NOL4: variants seen among roughly 807,000 people sequenced by gnomAD.
NOL4 encodes the protein nucleolar protein 4.
A neutral mutation model predicts 75.9 loss-of-function variants in NOL4; 17 were observed. That is an observed-to-expected ratio of 0.22 (90% CI 0.15 to 0.34). The LOEUF is 0.34. Among genes scored for constraint, NOL4 ranks in the 10% least tolerant of loss-of-function variants. The pLI is 1.00. For synonymous variants in NOL4, 292 were observed against 289.9 expected (o/e 1.01, Z -0.07); for missense variants, 614 against 793.5 (o/e 0.77, Z 2.72).
intron 8 of NOL4, among the ~76,000 whole-genome samples, chr18:33,954,199 T>C (rs2069469674): frequency 6.6e-6 from 1 of 152,156 alleles, no homozygotes; most frequent in South Asian, 2.1e-4. Flanking sequence ...GTAAATGACA[T>C]GTAAATAGCT....
chr18:33,930,642 T>C (rs2145406410), intron 9 of NOL4, among the ~76,000 whole-genome samples: 1 of 152,212 alleles, frequency 6.6e-6, no homozygotes, highest in South Asian at 2.1e-4. Context: ...AAACAAAAAG[T>C]ATATTTATAG....
chr18:34,077,476 T>A (rs938539991), intron 5 of NOL4, among the ~76,000 whole-genome samples: 42 of 152,042 alleles, frequency 2.8e-4, no homozygotes, highest in African/African-American at 8.9e-4. Context: ...TAAAAATGTG[T>A]ATATATCCAC....
rs2062659740 is a variant in NOL4 at position 33,852,335 on chromosome 18, C to T, written c.*507G>A. The stretch of plus-strand genomic sequence containing the variant: ...AAAAATGACAAGTTTGAATGAAAAA[C>T]AAGTTTTCTTTTTATAAAAATTACA... On this transcript the variant is annotated 3_prime_UTR_variant, in exon 11 of 11. Transcript: ENST00000261592. The T allele has an allele frequency of 6.6e-6, 1 of 151,600 alleles. No homozygotes were observed. The highest frequency in any genetic ancestry group is 2.4e-5 in the African/African-American group (1 of 41,182). The allele number at this position is 151,600 out of a possible 1,614,324, so 9.4% of individuals were successfully genotyped here. A position where few individuals can be genotyped will look rare whatever the true frequency, so the allele number is the denominator to read the frequency against.
At chr18:33,929,852 C>T (rs1325868100) in intron 9 of NOL4, among the ~76,000 whole-genome samples, 2 of 152,012 alleles carry the variant, frequency 1.3e-5, no homozygotes, top group Non-Finnish European at 2.9e-5. Context: ...ATAACTAGAA[C>T]AGTTCAAAAA....
At chr18:33,884,934 T>G (rs1456851905) in intron 9 of NOL4, among the ~76,000 whole-genome samples, 1 of 152,080 alleles carries the variant, frequency 6.6e-6, no homozygotes, top group African/African-American at 2.4e-5. Context: ...CTGAATCAAA[T>G]CTAACTGACC....
At chr18:34,106,255 G>C (rs1032576155) in intron 2 of NOL4, among the ~76,000 whole-genome samples, 2 of 152,014 alleles carry the variant, frequency 1.3e-5, no homozygotes, top group Non-Finnish European at 2.9e-5. Flanking sequence ...AGTGGTGATG[G>C]AGTCAACTTT....
In NOL4 at chr18:34,166,754, A is replaced by AATATAT. The variant is rs2032391374; in HGVS notation, c.265-36735_265-36734insATATAT. On this transcript the variant is annotated intron_variant, in intron 1 of 10. Coordinates refer to ENST00000261592, the MANE Select transcript of NOL4 (RefSeq NM_003787.5). ...AAAATAAAAATATAATAGTAAAAAAAAGGCCGGGCGCGGTGGCTCACGCCT... is the reference window on the plus strand; with the variant it reads ...AAAATAAAAATATAATAGTAAAAAAAATATATAGGCCGGGCGCGGTGGCTCACGCCT... 2.0e-4 allele frequency among the ~76,000 whole-genome samples: 23 copies of AATATAT among 115,680 alleles called. 2 individuals are homozygous for AATATAT. The highest frequency in any genetic ancestry group is 6.5e-4 in the African/African-American group (21 of 32,264). 75.9% of individuals were successfully genotyped at this position (115,680 alleles called of 152,430 possible).
At chr18:34,058,512 G>T (rs1308976352) in intron 5 of NOL4, among the ~76,000 whole-genome samples, 1 of 152,050 alleles carries the variant, frequency 6.6e-6, no homozygotes, top group Admixed American at 6.6e-5. Flanking sequence ...ATTTTCTCCT[G>T]CTGGCTTTCA....
At chr18:34,114,584 C>T (rs2079760146) in intron 2 of NOL4, among the ~76,000 whole-genome samples, 3 of 152,102 alleles carry the variant, frequency 2.0e-5, no homozygotes, top group African/African-American at 7.2e-5. Flanking sequence ...TTCTAGGAAT[C>T]TAGATTTGTT....
chr18:33,933,779 A>G (rs2067863224), intron 9 of NOL4, among the ~76,000 whole-genome samples: 1 of 152,144 alleles, frequency 6.6e-6, no homozygotes, highest in Admixed American at 6.6e-5. Flanking sequence ...TAAAGTCTTG[A>G]ACCCCTCAAA....
At chr18:34,162,631 G>C (rs1260132694) in intron 1 of NOL4, among the ~76,000 whole-genome samples, 1 of 152,120 alleles carries the variant, frequency 6.6e-6, no homozygotes, top group Non-Finnish European at 1.5e-5. Flanking sequence ...AGGACCAGAT[G>C]GATTCACAGC....
chr18:34,213,436 C>T (rs1386936817), intron 1 of NOL4, among the ~76,000 whole-genome samples: 3 of 152,124 alleles, frequency 2.0e-5, no homozygotes, highest in African/African-American at 2.4e-5. Context: ...ACTACAGGCA[C>T]ACGCCGCCAC....
chr18:34,186,716 T>G (rs2034486122), intron 1 of NOL4, among the ~76,000 whole-genome samples: 1 of 152,218 alleles, frequency 6.6e-6, no homozygotes, highest in African/African-American at 2.4e-5. Flanking sequence ...TGGTTACATC[T>G]TTCATAAAAT....
At chr18:34,109,376 G>A (rs539283194) in intron 2 of NOL4, among the ~76,000 whole-genome samples, 9 of 151,912 alleles carry the variant, frequency 5.9e-5, no homozygotes, top group Non-Finnish European at 7.4e-5. Flanking sequence ...AAAATTCGTC[G>A]GGCATGGTGG....
At chr18:34,061,554 C>A (rs1376781126) in intron 5 of NOL4, among the ~76,000 whole-genome samples, 1 of 152,088 alleles carries the variant, frequency 6.6e-6, no homozygotes, top group Non-Finnish European at 1.5e-5. Flanking sequence ...TAAACACATT[C>A]TTTCAAGGCA....
chr18:33,907,737 A>G (rs1025473960), intron 9 of NOL4, among the ~76,000 whole-genome samples: 3 of 152,186 alleles, frequency 2.0e-5, no homozygotes, highest in African/African-American at 7.2e-5. Context: ...TTTATCTGCA[A>G]TTTAATCAAA....
chr18:34,175,996 T>G (rs1039499921), intron 1 of NOL4, among the ~76,000 whole-genome samples: 6 of 152,028 alleles, frequency 3.9e-5, no homozygotes, highest in Admixed American at 1.3e-4. Context: ...ATAGGAAATG[T>G]CTTGGAGGAA....
At position 34,149,452 on chromosome 18, in the gene NOL4, T is replaced by C. The variant is rs138996790; in HGVS notation, c.265-19432A>G. 7.2e-5 allele frequency among the ~76,000 whole-genome samples: 11 copies of C among 151,746 alleles called. No individual in the cohort carries two copies. In the East Asian group the frequency reaches 2.1e-3, roughly 29 times the overall value. ...GCACGTGGCCACAAAGTAAGAATTTTTAACCTAAATACAAGGGAAAGGATT... is the reference window on the plus strand; with the variant it reads ...GCACGTGGCCACAAAGTAAGAATTTCTAACCTAAATACAAGGGAAAGGATT... On this transcript the variant is annotated intron_variant, in intron 1 of 10. Transcript: ENST00000261592.
At chr18:34,011,433 A>G (rs963598245) in intron 6 of NOL4, among the ~76,000 whole-genome samples, 1 of 151,688 alleles carries the variant, frequency 6.6e-6, no homozygotes, top group Non-Finnish European at 1.5e-5. Flanking sequence ...TCAATATTGA[A>G]TATTTTAAGG....
Sources: gnomAD v4.1 joint callset for allele counts (sites outside exome capture counted in the v4.1 genomes callset) on GRCh38, gnomAD v4.1.1 for gene constraint, MANE v1.5 for transcripts, NCBI Gene and HGNC (gene_info 2026-07-23, HGNC 2026-07-21) for gene names.